CCDC14: variants seen among roughly 807,000 people sequenced by gnomAD.
CCDC14 encodes the protein coiled-coil domain containing 14, also known as coiled-coil domain-containing protein 14.
A neutral mutation model predicts 81.4 loss-of-function variants in CCDC14; 71 were observed. The observed-to-expected ratio is 0.87, with a 90% CI of 0.72 to 1.06. CCDC14 has a LOEUF of 1.06. Among genes scored for constraint, CCDC14 ranks in the 50% least tolerant of loss-of-function variants. The pLI is 0.00. For synonymous variants in CCDC14, 332 were observed against 364.8 expected (o/e 0.91, Z 1.03); for missense variants, 1,046 against 1,047.3 (o/e 1.00, Z 0.02).
In CCDC14 at chr3:123,948,922, A is replaced by G. The variant is rs1229441890; in HGVS notation, c.563T>C (p.Val188Ala). Residue 188 changes from valine (V) to alanine (A), a missense_variant, in exon 6 of 13, where the codon GTA (valine) becomes GCA (alanine). Physicochemically the swap from Val to Ala is moderately conservative, Grantham distance 64. Transcript: ENST00000409697. ...AGAATGAGAGGGAGCATGGCATGGT[A>G]CAGCAGGAATTCCATTAGGGATGTT... ...SKNIPNGIPA[V>A]PCHAPSHSES... 1 of 1,613,712 alleles carries G rather than the reference A, an allele frequency of 6.2e-7. No homozygotes were observed. Among genetic ancestry groups the G allele is most frequent in the Admixed American group, 1.7e-5 (1 of 60,026 alleles).
intron 5 of CCDC14, among the ~76,000 whole-genome samples, chr3:123,951,483 A>C (rs75522003): frequency 0.052 from 7,883 of 152,278 alleles, 579 homozygotes; most frequent in East Asian, 0.35. Flanking sequence ...ACAATTTTAT[A>C]ATAAATCAAA....
chr3:123,955,650 T>C (rs918259800), intron 5 of CCDC14, 193 bp downstream of exon 5: 1 of 412,954 alleles, frequency 2.4e-6, no homozygotes, highest in East Asian at 3.9e-5. Flanking sequence ...TTTCTATTTT[T>C]CTTCTTGAGA....
chr3:123,949,225 T>C, intron 5 of CCDC14, 93 bp from the exon 6 acceptor site: 1 of 700,652 alleles, frequency 1.4e-6, no homozygotes, highest in South Asian at 1.8e-5. Context: ...TCAGAAGTAG[T>C]CCAATCCATC....
intron 9 of CCDC14, among the ~76,000 whole-genome samples, chr3:123,944,093 A>G (rs1317354371): frequency 6.6e-6 from 1 of 152,062 alleles, no homozygotes. Flanking sequence ...ATCTGATACC[A>G]TTTCCAGGTA....
intron 9 of CCDC14, among the ~76,000 whole-genome samples, chr3:123,934,671 C>G (rs932825750): frequency 4.6e-5 from 7 of 152,138 alleles, no homozygotes; most frequent in African/African-American, 1.2e-4. Context: ...GAAACATATG[C>G]AAGTGTTTTC....
chr3:123,914,572 T>G lies in CCDC14; in HGVS notation c.*207A>C, dbSNP rs1247796774. Reference sequence around the variant, plus strand: ...AATAATTTCCTAGTTATCCACAACTTTCTTCTTGTAGCAATTGTGAACTTA... The same window carrying G: ...AATAATTTCCTAGTTATCCACAACTGTCTTCTTGTAGCAATTGTGAACTTA... On this transcript the variant is annotated 3_prime_UTR_variant, in exon 13 of 13. Coordinates refer to ENST00000409697, the MANE Select transcript of CCDC14 (RefSeq NM_001366335.1). 3 of 1,246,606 alleles carry G rather than the reference T, an allele frequency of 2.4e-6. No homozygotes were observed. The highest frequency in any genetic ancestry group is 7.8e-5 in the Admixed American group (2 of 25,608). The allele number at this position is 1,246,606 out of a possible 1,614,324, so 77.2% of individuals were successfully genotyped here. A position where few individuals can be genotyped will look rare whatever the true frequency, so the allele number is the denominator to read the frequency against.
intron 12 of CCDC14, among the ~76,000 whole-genome samples, chr3:123,916,535 T>C (rs779482495): frequency 3.3e-5 from 5 of 151,498 alleles, no homozygotes; most frequent in Non-Finnish European, 7.4e-5. Context: ...TAGAGATAAT[T>C]ATCTGGCATA....
chr3:123,947,620 C>T (rs183406987), intron 7 of CCDC14, among the ~76,000 whole-genome samples: 9 of 151,968 alleles, frequency 5.9e-5, no homozygotes, highest in Admixed American at 1.3e-4. Flanking sequence ...ATGTAATTTC[C>T]CAAAGTGGAC....
intron 12 of CCDC14, among the ~76,000 whole-genome samples, chr3:123,923,974 A>T (rs966607293): frequency 6.6e-6 from 1 of 151,234 alleles, no homozygotes; most frequent in Admixed American, 6.6e-5. Flanking sequence ...CATTAAAAAA[A>T]AAAAAACCCT....
chr3:123,955,885 G>A lies in CCDC14; in HGVS notation c.310C>T (p.His104Tyr), dbSNP rs2148959308. 1 of 1,535,816 alleles carries A rather than the reference G, an allele frequency of 6.5e-7. No homozygotes were observed. The highest frequency in any genetic ancestry group is 1.2e-5 in the South Asian group (1 of 81,288). Residue 104 changes from histidine (H) to tyrosine (Y), a missense_variant, in exon 5 of 13, where the codon CAT (histidine) becomes TAT (tyrosine). Physicochemically the swap from His to Tyr is moderately conservative, Grantham distance 83. Transcript: ENST00000409697. ...SKRYGSKKKR[H>Y]EKHTIPLVVQ... The stretch of plus-strand genomic sequence containing the variant: ...ACCAAAGGAATAGTATGTTTTTCAT[G>A]TCTTTTCTTTTTTGATCCGTATCTT...
downstream of CCDC14, among the ~76,000 whole-genome samples, chr3:123,909,654 A>G (rs954803393): frequency 1.3e-5 from 2 of 152,268 alleles, no homozygotes; most frequent in African/African-American, 4.8e-5. Context: ...ACATGTAATT[A>G]GTAATCATTA....
At chr3:123,919,977 G>A (rs1309972140) in intron 12 of CCDC14, among the ~76,000 whole-genome samples, 3 of 151,978 alleles carry the variant, frequency 2.0e-5, no homozygotes, top group Non-Finnish European at 4.4e-5. Flanking sequence ...AAATGTTCAG[G>A]GAACTACAAG....
chr3:123,948,053 A>T (rs1266115757), intron 7 of CCDC14, among the ~76,000 whole-genome samples: 2 of 152,124 alleles, frequency 1.3e-5, no homozygotes, highest in African/African-American at 4.8e-5. Flanking sequence ...GCAAATGTTA[A>T]CAAATACAAA....
chr3:123,950,122 C>T (rs1052731165), intron 5 of CCDC14, among the ~76,000 whole-genome samples: 1 of 152,080 alleles, frequency 6.6e-6, no homozygotes, highest in Non-Finnish European at 1.5e-5. Context: ...AATTAGGTCC[C>T]CTTCCCAAAG....
intron 9 of CCDC14, among the ~76,000 whole-genome samples, chr3:123,942,443 C>T (rs2148901608): frequency 6.6e-6 from 1 of 152,162 alleles, no homozygotes; most frequent in East Asian, 1.9e-4. Flanking sequence ...GATATTAGAT[C>T]TTAAACCCAG....
downstream of CCDC14, among the ~76,000 whole-genome samples, chr3:123,910,808 A>C (rs1198587636): frequency 6.6e-6 from 1 of 152,190 alleles, no homozygotes; most frequent in Non-Finnish European, 1.5e-5. Flanking sequence ...CTAGGTGATC[A>C]TCTGCAGAGA....
chr3:123,928,267 G>C (rs980053606), intron 12 of CCDC14, among the ~76,000 whole-genome samples: 1 of 150,818 alleles, frequency 6.6e-6, no homozygotes, highest in Non-Finnish European at 1.5e-5. Context: ...GGAGGCTGAG[G>C]CTGGTGGATC....
In CCDC14 at chr3:123,914,049, A is replaced by T; in HGVS notation, c.*730T>A. On this transcript the variant is annotated 3_prime_UTR_variant, in exon 13 of 13. Transcript: ENST00000409697. The stretch of plus-strand genomic sequence containing the variant: ...ATGTTTAAATATAAGGACAAAAATA[A>T]ACATTTCTTATTTAAAAAAAACCCA... 1.0e-6 allele frequency: 1 copy of T among 984,750 alleles called. No homozygotes were observed. The highest frequency in any genetic ancestry group is 1.2e-6 in the Non-Finnish European group (1 of 828,972). The allele number at this position is 984,750 out of a possible 1,614,324, so 61.0% of individuals were successfully genotyped here.
At chr3:123,958,927 G>T (rs1474459980) in intron 1 of CCDC14, 1 of 152,056 alleles carries the variant, frequency 6.6e-6, no homozygotes, top group Non-Finnish European at 1.5e-5. Flanking sequence ...ATTTCACTTA[G>T]CATAATGTCT....
Sources: gnomAD v4.1 joint callset for allele counts (sites outside exome capture counted in the v4.1 genomes callset) on GRCh38, gnomAD v4.1.1 for gene constraint, MANE v1.5 for transcripts, NCBI Gene and HGNC (gene_info 2026-07-23, HGNC 2026-07-21) for gene names.